Variants in C1QTNF7 observed in about 807,000 individuals in gnomAD.
C1QTNF7 encodes the protein C1q and TNF related 7, also known as complement C1q tumor necrosis factor-related protein 7.
C1QTNF7 carries 15 observed loss-of-function variants against 19.6 expected under a neutral mutation model. The ratio of observed to expected loss-of-function variants is 0.76; its 90% CI spans 0.51 to 1.18. C1QTNF7 has a LOEUF of 1.18. Ranked by LOEUF, C1QTNF7 falls within the 50% of genes most tolerant of loss-of-function variation. The pLI is 0.00. For synonymous variants in C1QTNF7, 142 were observed against 137.5 expected (o/e 1.03, Z -0.23); for missense variants, 324 against 359.7 (o/e 0.90, Z 0.80).
Position 15,442,475 on chromosome 4 carries a change from A to C in C1QTNF7, c.546A>C (p.Thr182=). 3 of 1,614,198 alleles carry C rather than the reference A, an allele frequency of 1.9e-6. No individual in the cohort carries two copies. Among genetic ancestry groups the C allele is most frequent in the Non-Finnish European group, 2.5e-6 (3 of 1,180,010 alleles). The stretch of plus-strand genomic sequence containing the variant: ...AGGGAGAGCACTACAACCCTGCCAC[A>C]GGGAAGTTCATCTGTGCTTTCCCAG... ...FNEGEHYNPA[T]GKFICAFPGI... is the part of the protein sequence containing the mutation. Residue 182 remains threonine, a synonymous_variant, in exon 3 of 3, where the codon ACA becomes ACC. Transcript: ENST00000444304.
intron 1 of C1QTNF7, among the ~76,000 whole-genome samples, chr4:15,408,198 A>G (rs1297309128): frequency 1.4e-5 from 2 of 145,316 alleles, no homozygotes; most frequent in South Asian, 2.2e-4. Flanking sequence ...ACTTGAACCC[A>G]GGGGTGGAGG....
intron 1 of C1QTNF7, among the ~76,000 whole-genome samples, chr4:15,362,032 G>T (rs937343212): frequency 3.3e-5 from 5 of 152,136 alleles, no homozygotes; most frequent in Admixed American, 1.3e-4. Context: ...AGGCCGACTG[G>T]GTTCCAATCC....
chr4:15,341,172 G>T (rs1336298839), intron 1 of C1QTNF7, among the ~76,000 whole-genome samples: 3 of 152,228 alleles, frequency 2.0e-5, no homozygotes, highest in Non-Finnish European at 4.4e-5. Flanking sequence ...CACAGGCAAA[G>T]ATTATAAAAC....
chr4:15,432,593 C>T (rs1712364347), intron 1 of C1QTNF7, among the ~76,000 whole-genome samples: 1 of 152,144 alleles, frequency 6.6e-6, no homozygotes. Context: ...ATGGGTTTCA[C>T]CATATTGGCC....
At position 15,435,879 on chromosome 4, in the gene C1QTNF7, C is replaced by T. The variant is rs760065898; in HGVS notation, c.136C>T (p.Pro46Ser). The change falls in exon 2 of 3, where the codon CCT (proline) becomes TCT (serine). Residue 46 changes from proline (P) to serine (S), a missense_variant. Pro to Ser is a moderately conservative substitution (Grantham distance 74). Transcript: ENST00000444304. ...IPGLPGPPGP[P>S]GANGSPGPHG... ...TGGCTTGCCTGGACCTCCAGGGCCC[C>T]CTGGAGCAAATGGTTCCCCTGGGCC... 2 of 1,613,990 alleles carry T rather than the reference C, an allele frequency of 1.2e-6. No individual in the cohort carries two copies. Among genetic ancestry groups the T allele is most frequent in the African/African-American group, 2.7e-5 (2 of 74,892 alleles).
chr4:15,442,436 G>C lies in C1QTNF7; in HGVS notation c.507G>C (p.Lys169Asn). Reference protein sequence around the residue: ...PEERLPIIFNKVLFNEGEHYN... With the variant: ...PEERLPIIFNNVLFNEGEHYN... ...AAAGACTACCTATTATATTTAACAAGGTCCTCTTCAACGAGGGAGAGCACT... is the reference window on the plus strand; with the variant it reads ...AAAGACTACCTATTATATTTAACAACGTCCTCTTCAACGAGGGAGAGCACT... The change falls in exon 3 of 3, where the codon AAG becomes AAC. Residue 169 changes from lysine to asparagine, a missense_variant. Coordinates refer to ENST00000444304, the MANE Select transcript of C1QTNF7 (RefSeq NM_031911.5). 6.2e-7 allele frequency: 1 copy of C among 1,614,146 alleles called. No individual in the cohort carries two copies. Among genetic ancestry groups the C allele is most frequent in the Admixed American group, 1.7e-5 (1 of 60,026 alleles).
At position 15,442,388 on chromosome 4, in the gene C1QTNF7, C is replaced by A; in HGVS notation, c.459C>A (p.Gly153=). 1.2e-6 allele frequency: 2 copies of A among 1,614,158 alleles called. No individual in the cohort carries two copies. Among genetic ancestry groups the A allele is most frequent in the Non-Finnish European group, 1.7e-6 (2 of 1,180,016 alleles). The change falls in exon 3 of 3, where the codon GGC becomes GGA. Residue 153 remains glycine, a synonymous_variant. Coordinates refer to ENST00000444304, the MANE Select transcript of C1QTNF7 (RefSeq NM_031911.5). ...SIVLKSAFSV[G]ITTSYPEERL... is the part of the protein sequence containing the mutation. Reference sequence around the variant, plus strand: ...TGCTCAAATCCGCCTTTTCTGTTGGCATCACAACCAGCTACCCAGAAGAAA... The same window carrying A: ...TGCTCAAATCCGCCTTTTCTGTTGGAATCACAACCAGCTACCCAGAAGAAA...
intron 1 of C1QTNF7, among the ~76,000 whole-genome samples, chr4:15,403,541 C>G (rs1719070679): frequency 6.6e-6 from 1 of 152,166 alleles, no homozygotes; most frequent in African/African-American, 2.4e-5. Context: ...ATGTCTGCCT[C>G]TGTCATCACC....
chr4:15,385,386 A>AG (rs2108894357), intron 1 of C1QTNF7, among the ~76,000 whole-genome samples: 2 of 152,324 alleles, frequency 1.3e-5, no homozygotes, highest in East Asian at 3.9e-4. Flanking sequence ...TGGGAAGCCA[A>AG]TGTTGGAGCA....
intron 1 of C1QTNF7, among the ~76,000 whole-genome samples, chr4:15,431,688 AC>A (rs1313498872): frequency 6.6e-6 from 1 of 151,946 alleles, no homozygotes; most frequent in Non-Finnish European, 1.5e-5. Flanking sequence ...TTTTTCCCCC[AC>A]AAAGCTCAAA....
chr4:15,373,290 C>A (rs1430938661), intron 1 of C1QTNF7, among the ~76,000 whole-genome samples: 1 of 152,168 alleles, frequency 6.6e-6, no homozygotes, highest in East Asian at 1.9e-4. Flanking sequence ...TAGCTATCTC[C>A]TTCCAGCCCT....
At chr4:15,380,736 A>C (rs1254635209) in intron 1 of C1QTNF7, among the ~76,000 whole-genome samples, 1 of 152,100 alleles carries the variant, frequency 6.6e-6, no homozygotes, top group Non-Finnish European at 1.5e-5. Flanking sequence ...GGCGTTTGAG[A>C]CAAGCCTGGC....
At chr4:15,384,461 C>T (rs1322905285) in intron 1 of C1QTNF7, among the ~76,000 whole-genome samples, 1 of 152,068 alleles carries the variant, frequency 6.6e-6, no homozygotes, top group East Asian at 1.9e-4. Context: ...CTCATCTCAG[C>T]TTTGAAAATA....
chr4:15,352,492 T>C (rs1008305848), intron 1 of C1QTNF7, among the ~76,000 whole-genome samples: 1 of 152,160 alleles, frequency 6.6e-6, no homozygotes, highest in African/African-American at 2.4e-5. Flanking sequence ...TGACAAAAGC[T>C]GTGTGCTGAA....
chr4:15,422,839 T>C (rs1364979945), intron 1 of C1QTNF7, among the ~76,000 whole-genome samples: 1 of 152,114 alleles, frequency 6.6e-6, no homozygotes, highest in East Asian at 1.9e-4. Context: ...CCCAGGCTGG[T>C]CTCAAGCGAT....
intron 1 of C1QTNF7, among the ~76,000 whole-genome samples, chr4:15,408,474 A>G (rs1365436878): frequency 6.6e-6 from 1 of 152,094 alleles, no homozygotes; most frequent in Non-Finnish European, 1.5e-5. Flanking sequence ...ATGTATGTAT[A>G]TACAGATACA....
At chr4:15,341,834 C>A (rs1262720663) in intron 1 of C1QTNF7, among the ~76,000 whole-genome samples, 1 of 152,146 alleles carries the variant, frequency 6.6e-6, no homozygotes, top group Non-Finnish European at 1.5e-5. Flanking sequence ...GTTTGCATGG[C>A]GCCTGAGTGC....
chr4:15,438,269 A>G (rs1011692901), intron 2 of C1QTNF7, among the ~76,000 whole-genome samples: 2 of 152,250 alleles, frequency 1.3e-5, no homozygotes, highest in Admixed American at 6.5e-5. Flanking sequence ...CAGCTCAGAA[A>G]GAAAAGGTAG....
intron 1 of C1QTNF7, among the ~76,000 whole-genome samples, chr4:15,357,620 GA>G (rs1395020222): frequency 1.3e-5 from 2 of 152,168 alleles, no homozygotes; most frequent in East Asian, 3.9e-4. Context: ...ATTCTGTGAA[GA>G]AAGTCAGTGG....
Sources: gnomAD v4.1 joint callset for allele counts (sites outside exome capture counted in the v4.1 genomes callset) on GRCh38, gnomAD v4.1.1 for gene constraint, MANE v1.5 for transcripts, NCBI Gene and HGNC (gene_info 2026-07-23, HGNC 2026-07-21) for gene names.